Variants in NOTCH3 observed in about 807,000 individuals in gnomAD.
The protein encoded by NOTCH3 is neurogenic locus notch homolog protein 3.
Under a neutral mutation model 213.3 loss-of-function variants are expected in NOTCH3, and 86 were observed. The observed-to-expected ratio is 0.40, with a 90% confidence interval of 0.34 to 0.48. The LOEUF is 0.48. Among genes scored for constraint, NOTCH3 ranks in the 20% least tolerant of loss-of-function variants. The probability of loss-of-function intolerance (pLI) is 0.57; values close to 1 mark genes in which losing one functional copy is unlikely to be tolerated. For missense variants in NOTCH3, 2,783 were observed against 3,272.6 expected (o/e 0.85, Z 3.65); for synonymous variants, 1,354 against 1,355.9 (o/e 1.00, Z 0.03).
chr19:15,200,783 C>A lies in NOTCH3; in HGVS notation c.118+5G>T. 1 of 1,292,106 alleles carries A rather than the reference C, an allele frequency of 7.7e-7. No individual in the cohort carries two copies. Among genetic ancestry groups the A allele is most frequent in the Non-Finnish European group, 9.9e-7 (1 of 1,014,316 alleles). The allele number at this position is 1,292,106 out of a possible 1,614,324, so 80.0% of individuals were successfully genotyped here. On this transcript the variant is annotated splice_donor_5th_base_variant and intron_variant, in intron 1 of 32. Coordinates refer to ENST00000263388, the MANE Select transcript of NOTCH3 (RefSeq NM_000435.3). ...CGTCCCATCCGCCAGGTCCCGGCCC[C>A]TCACCTGCAGCCCCCGGCCCCGCTA...
At chr19:15,170,911 G>T in intron 25 of NOTCH3, 86 bp from the exon 26 acceptor site, 1 of 1,479,100 alleles carries the variant, frequency 6.8e-7, no homozygotes, top group South Asian at 1.2e-5. Context: ...CCTCCCCAGC[G>T]CCTGGCTCTG....
chr19:15,186,054 G>T (rs973801627), intron 12 of NOTCH3, among the ~76,000 whole-genome samples: 1 of 150,748 alleles, frequency 6.6e-6, no homozygotes. Context: ...CTACAGTTGC[G>T]CACCACCACG....
At chr19:15,197,692 G>A (rs1410235787) in intron 1 of NOTCH3, 114 bp from the exon 2 acceptor site, 35 of 803,294 alleles carry the variant, frequency 4.4e-5, no homozygotes, top group Admixed American at 1.1e-4. Flanking sequence ...GGATGGGGGC[G>A]TCTCTGCGGG....
intron 25 of NOTCH3, among the ~76,000 whole-genome samples, chr19:15,173,075 T>TTCTTCC (rs2046750778): frequency 5.4e-5 from 1 of 18,558 alleles, no homozygotes; most frequent in Non-Finnish European, 9.0e-5. Flanking sequence ...CTTCTTCTTC[T>TTCTTCC]TCTTCTTCTT....
At position 15,170,833 on chromosome 19, in the gene NOTCH3, G is replaced by A; in HGVS notation, c.4737-8C>T. On this transcript the variant is annotated splice_polypyrimidine_tract_variant and splice_region_variant and intron_variant, in intron 25 of 32. Coordinates refer to ENST00000263388, the MANE Select transcript of NOTCH3 (RefSeq NM_000435.3). ...TCCAGCATTACTACCGAGCTGCAGGGACAGCAGGGAGGGACCAGAGGGCTC... is the reference window on the plus strand; with the variant it reads ...TCCAGCATTACTACCGAGCTGCAGGAACAGCAGGGAGGGACCAGAGGGCTC... 6.2e-7 allele frequency: 1 copy of A among 1,612,912 alleles called. No individual in the cohort carries two copies. The highest frequency in any genetic ancestry group is 8.5e-7 in the Non-Finnish European group (1 of 1,179,864).
In NOTCH3 at chr19:15,178,002, C is replaced by T; in HGVS notation, c.3926G>A (p.Arg1309His). 2 of 1,465,082 alleles carry T rather than the reference C, an allele frequency of 1.4e-6. No individual in the cohort carries two copies. The highest frequency in any genetic ancestry group is 1.8e-6 in the Non-Finnish European group (2 of 1,111,796). The allele number at this position is 1,465,082 out of a possible 1,614,324, so 90.8% of individuals were successfully genotyped here. The change falls in exon 24 of 33, where the codon CGC becomes CAC. Residue 1309 changes from arginine to histidine, a missense_variant. Physicochemically the swap from Arg to His is conservative, Grantham distance 29. Coordinates refer to ENST00000263388, the MANE Select transcript of NOTCH3 (RefSeq NM_000435.3). The stretch of plus-strand genomic sequence containing the variant: ...TGGGGGGCAGGCGCAGCGCGGCCCG[C>T]GGGGCGTCTGCTGGCATGGGACGCC... ...PVGVPCQQTP[R>H]GPRCACPPGL...
Position 15,179,372 on chromosome 19 carries a change from C to T in NOTCH3, c.3452G>A (p.Gly1151Glu). ...VARYLCSCPP[G>E]TLGVLCEINE... ...CCCTGGCCCTGGCATACCCAGCGTT[C>T]CTGGGGGACAGGAGCAGAGATAGCG... The change falls in exon 21 of 33, where the codon GGA (glycine) becomes GAA (glutamate). Residue 1151 changes from glycine (G) to glutamate (E), a missense_variant. Transcript: ENST00000263388. 1.2e-6 allele frequency: 2 copies of T among 1,614,098 alleles called. No individual in the cohort carries two copies. The highest frequency in any genetic ancestry group is 8.5e-7 in the Non-Finnish European group (1 of 1,180,042).
intron 25 of NOTCH3, among the ~76,000 whole-genome samples, chr19:15,171,129 G>C (rs1456967465): frequency 1.2e-4 from 18 of 152,262 alleles, no homozygotes; most frequent in Non-Finnish European, 1.2e-4. Context: ...GGGTTCAAGC[G>C]ATTCTCCTGC....
Position 15,186,902 on chromosome 19 carries a change from A to C in NOTCH3, c.1927T>G (p.Cys643Gly). 6.2e-7 allele frequency: 1 copy of C among 1,614,144 alleles called. No homozygotes were observed. Among genetic ancestry groups the C allele is most frequent in the Non-Finnish European group, 8.5e-7 (1 of 1,180,012 alleles). The change falls in exon 12 of 33, where the codon TGT becomes GGT. Residue 643 changes from cysteine to glycine, a missense_variant. By Grantham distance (159) the Cys-to-Gly change is radical. This residue lies in a region of NOTCH3 where 708 missense variants were observed against 906.6 expected (regional missense o/e 0.78). Transcript: ENST00000263388. Reference protein sequence around the residue: ...VCRDGINRYDCVCQPGFTGPL... With the variant: ...VCRDGINRYDGVCQPGFTGPL... ...CCTGTGAAGCCAGGTTGGCAGACAC[A>C]GTCGTAGCGGTTGATGCCATCACGG...
At chr19:15,178,408 A>G in intron 23 of NOTCH3, 1 of 427,190 alleles carries the variant, frequency 2.3e-6, no homozygotes, top group Non-Finnish European at 4.3e-6. Flanking sequence ...TTGTTTTTTG[A>G]GACGGAGTGT....
rs376590511 is a variant in NOTCH3 at position 15,165,903 on chromosome 19, G to C, written c.5551C>G (p.Arg1851Gly). 2 of 1,614,094 alleles carry C rather than the reference G, an allele frequency of 1.2e-6. No homozygotes were observed. Among genetic ancestry groups the C allele is most frequent in the South Asian group, 1.1e-5 (1 of 91,080 alleles). The stretch of plus-strand genomic sequence containing the variant: ...AGCAGCCGCTTGGCTGCATCAGCAC[G>C]GGCATAACGGGCAGCCAGGTGCAAA... ...TALHLAARYARADAAKRLLDA... is the reference protein window; with the variant it reads ...TALHLAARYAGADAAKRLLDA... The change falls in exon 30 of 33, where the codon CGT becomes GGT. Residue 1851 changes from arginine (R) to glycine (G), a missense_variant. Arg to Gly is a moderately radical substitution (Grantham distance 125). Around this residue, in one of 6 missense-constraint regions of NOTCH3, gnomAD observed 636 missense variants for 801.8 expected, o/e 0.79. Transcript: ENST00000263388. This position sits in a 1 kb window ranked among gnomAD's most constrained non-coding sequence, Gnocchi z 4.7.
chr19:15,193,903 G>C (rs1317745033), intron 2 of NOTCH3, among the ~76,000 whole-genome samples: 1 of 151,750 alleles, frequency 6.6e-6, no homozygotes, highest in Non-Finnish European at 1.5e-5. Context: ...CCAATATGGT[G>C]AAACCTCGTC....
At position 15,181,121 on chromosome 19, in the gene NOTCH3, G is replaced by C. The variant is rs765975372; in HGVS notation, c.2834C>G (p.Ser945Trp). 2.5e-6 allele frequency: 4 copies of C among 1,609,028 alleles called. No individual in the cohort carries two copies. The South Asian group carries it at 3.3e-5, about 13-fold the overall frequency. ...NGGTCVDGVN[S>W]FSCLCRPGYT... ...GCCGGGACGGCACAGGCAGCTGAAC[G>C]AGTTCACGCCGTCCACACAGGTCCC... Residue 945 changes from serine (S) to tryptophan (W), a missense_variant, in exon 18 of 33, where the codon TCG (serine) becomes TGG (tryptophan). Ser to Trp is a radical substitution (Grantham distance 177). Coordinates refer to ENST00000263388, the MANE Select transcript of NOTCH3 (RefSeq NM_000435.3).
intron 19 of NOTCH3, 87 bp downstream of exon 19, chr19:15,180,594 C>T: frequency 6.8e-7 from 1 of 1,460,878 alleles, no homozygotes; most frequent in Non-Finnish European, 9.3e-7. Flanking sequence ...GGCTCTGTGG[C>T]ACCCCCATTC....
chr19:15,186,601 C>A (rs141230950), intron 12 of NOTCH3, among the ~76,000 whole-genome samples: 1 of 152,258 alleles, frequency 6.6e-6, no homozygotes, highest in Admixed American at 6.5e-5. Context: ...GATGGGGCTT[C>A]GCAACGTTGG....
Position 15,161,469 on chromosome 19 carries a change from G to T in NOTCH3, c.6159C>A (p.Leu2053=). The T allele has an allele frequency of 6.4e-7, 1 of 1,573,628 alleles. No homozygotes were observed. The highest frequency in any genetic ancestry group is 8.6e-7 in the Non-Finnish European group (1 of 1,159,028). The change falls in exon 33 of 33, where the codon CTC becomes CTA. Residue 2053 remains leucine (L), a synonymous_variant. Transcript: ENST00000263388. The stretch of plus-strand genomic sequence containing the variant: ...TCTTGGACCCCGACTGTGCCGCTTT[G>T]AGGCCAGGGAGGAAGGCCCCTGGAG... ...LCPPGAFLPG[L]KAAQSGSKKS...
chr19:15,171,759 C>CG (rs1366729470), intron 25 of NOTCH3, among the ~76,000 whole-genome samples: 5 of 152,230 alleles, frequency 3.3e-5, no homozygotes, highest in Non-Finnish European at 5.9e-5. Context: ...CAACCTCCGA[C>CG]TCCCTGGTTC....
rs774835173 is a variant in NOTCH3, at chr19:15,165,745, G to A, written c.5667+42C>T. ...GGGCTCAAACCCAGGTAAGTCTAAT[G>A]CCTGCCCCAGCTCTGAGGTCCAAAG... On this transcript the variant is annotated intron_variant, in intron 30 of 32. Coordinates refer to ENST00000263388, the MANE Select transcript of NOTCH3 (RefSeq NM_000435.3). This position sits in a 1 kb window ranked among gnomAD's most constrained non-coding sequence, Gnocchi z 4.7. 1 of 1,598,970 alleles carries A rather than the reference G, an allele frequency of 6.3e-7. No homozygotes were observed. Among genetic ancestry groups the A allele is most frequent in the South Asian group, 1.1e-5 (1 of 90,820 alleles).
At chr19:15,194,884 G>T (rs1367050867) in intron 2 of NOTCH3, among the ~76,000 whole-genome samples, 1 of 150,952 alleles carries the variant, frequency 6.6e-6, no homozygotes, top group Non-Finnish European at 1.5e-5. Flanking sequence ...TTGAACCCAG[G>T]AGATAGAGGC....
Sources: gnomAD v4.1 joint callset for allele counts (sites outside exome capture counted in the v4.1 genomes callset) on GRCh38, gnomAD v4.1.1 for gene constraint, gnomAD v4.1.1 regional missense constraint, Gnocchi (gnomAD v3.1) non-coding constraint, MANE v1.5 for transcripts, NCBI Gene and HGNC (gene_info 2026-07-23, HGNC 2026-07-21) for gene names.